The following STXBP5L variants were observed in gnomAD, a reference collection of about 807,000 sequenced individuals.
STXBP5L encodes the protein syntaxin-binding protein 5-like.
Under a neutral mutation model 144.5 loss-of-function variants are expected in STXBP5L, and 65 were observed. That is an observed-to-expected ratio of 0.45 (90% CI 0.37 to 0.55). STXBP5L has a LOEUF of 0.55. STXBP5L is among the 20% of genes least tolerant of loss of function. The pLI is 0.00. For synonymous variants in STXBP5L, 505 were observed against 469.6 expected (o/e 1.08, Z -0.97); for missense variants, 1,298 against 1,405.5 (o/e 0.92, Z 1.22).
At chr3:121,207,985 A>G (rs898133537) in intron 10 of STXBP5L, among the ~76,000 whole-genome samples, 1 of 152,200 alleles carries the variant, frequency 6.6e-6, no homozygotes, top group Non-Finnish European at 1.5e-5. Context: ...CTTACTGGGT[A>G]TATACCCAAA....
chr3:121,378,681 A>C, intron 20 of STXBP5L, 35 bp from the exon 21 acceptor site: 1 of 1,601,656 alleles, frequency 6.2e-7, no homozygotes, highest in African/African-American at 1.3e-5. Context: ...AGAGTTAATC[A>C]TTATATGTAT....
At chr3:121,040,980 T>C (rs1947108940) in intron 3 of STXBP5L, among the ~76,000 whole-genome samples, 2 of 152,090 alleles carry the variant, frequency 1.3e-5, no homozygotes, top group South Asian at 4.1e-4. Context: ...AGCAAACAAA[T>C]GATAAGTAAA....
intron 20 of STXBP5L, among the ~76,000 whole-genome samples, chr3:121,320,479 G>C (rs1459906369): frequency 6.6e-6 from 1 of 151,836 alleles, no homozygotes; most frequent in East Asian, 1.9e-4. Context: ...GGAAAAAATT[G>C]GCTAGGGCCT....
intron 11 of STXBP5L, among the ~76,000 whole-genome samples, chr3:121,229,229 A>G (rs1457950750): frequency 2.0e-5 from 3 of 152,152 alleles, no homozygotes; most frequent in Admixed American, 6.6e-5. Flanking sequence ...CTTTACATCT[A>G]TAACTCTCCT....
At chr3:121,164,899 C>A (rs1464843676) in intron 9 of STXBP5L, among the ~76,000 whole-genome samples, 1 of 152,008 alleles carries the variant, frequency 6.6e-6, no homozygotes, top group Admixed American at 6.6e-5. Context: ...GGGGAGAAAA[C>A]AGGGAGATGT....
chr3:120,947,009 A>G (rs1454554403), intron 2 of STXBP5L, among the ~76,000 whole-genome samples: 1 of 151,670 alleles, frequency 6.6e-6, no homozygotes, highest in Non-Finnish European at 1.5e-5. Flanking sequence ...TCTATTACAT[A>G]TTTATTTGCT....
intron 3 of STXBP5L, among the ~76,000 whole-genome samples, chr3:120,956,225 G>T (rs957412912): frequency 2.6e-5 from 4 of 151,786 alleles, no homozygotes; most frequent in South Asian, 2.1e-4. Context: ...ACCATTCAGC[G>T]TTATTAAATA....
chr3:121,224,587 A>G (rs182110819), intron 11 of STXBP5L, among the ~76,000 whole-genome samples: 1 of 152,280 alleles, frequency 6.6e-6, no homozygotes, highest in African/African-American at 2.4e-5. Flanking sequence ...ACCTTAATTA[A>G]GTGCTGAGTT....
At chr3:121,325,256 C>T (rs533704208) in intron 20 of STXBP5L, among the ~76,000 whole-genome samples, 9 of 152,134 alleles carry the variant, frequency 5.9e-5, no homozygotes, top group African/African-American at 1.9e-4. Context: ...GTTCTAGTCC[C>T]CAAATAAAGT....
chr3:121,396,244 G>C (rs1274240539), intron 22 of STXBP5L, among the ~76,000 whole-genome samples: 1 of 152,170 alleles, frequency 6.6e-6, no homozygotes, highest in Non-Finnish European at 1.5e-5. Flanking sequence ...CCCCCTTTCT[G>C]CTTTTGCAAC....
At chr3:121,154,293 CT>C (rs1553720206) in intron 8 of STXBP5L, among the ~76,000 whole-genome samples, 1 of 151,788 alleles carries the variant, frequency 6.6e-6, no homozygotes, top group Non-Finnish European at 1.5e-5. Context: ...CACTACCAAA[CT>C]TTTCAGCCTC....
At chr3:120,966,719 C>A (rs991935690) in intron 3 of STXBP5L, among the ~76,000 whole-genome samples, 2 of 152,148 alleles carry the variant, frequency 1.3e-5, no homozygotes, top group African/African-American at 2.4e-5. Context: ...TTGGCCCCTA[C>A]TGGGAGGTGT....
At chr3:120,986,368 G>A (rs1942286550) in intron 3 of STXBP5L, among the ~76,000 whole-genome samples, 1 of 151,878 alleles carries the variant, frequency 6.6e-6, no homozygotes, top group South Asian at 2.1e-4. Flanking sequence ...TTGGTCGAGT[G>A]TTCTGTATAT....
chr3:121,191,717 G>C (rs1178888417), intron 9 of STXBP5L, among the ~76,000 whole-genome samples: 1 of 152,168 alleles, frequency 6.6e-6, no homozygotes, highest in Non-Finnish European at 1.5e-5. Flanking sequence ...ATCAGTGATA[G>C]ACTGGATTAA....
At chr3:120,985,116 CT>C (rs1002599600) in intron 3 of STXBP5L, among the ~76,000 whole-genome samples, 4 of 150,786 alleles carry the variant, frequency 2.7e-5, no homozygotes, top group African/African-American at 9.7e-5. Context: ...TGTTTTGTAG[CT>C]TTTTTTTTCT....
intron 7 of STXBP5L, among the ~76,000 whole-genome samples, chr3:121,147,912 C>T (rs947224914): frequency 4.6e-5 from 7 of 152,086 alleles, no homozygotes; most frequent in Admixed American, 2.0e-4. Flanking sequence ...ATCGGCTCTT[C>T]CTGGTTCTTG....
chr3:121,348,153 G>C (rs2045088409), intron 20 of STXBP5L, among the ~76,000 whole-genome samples: 1 of 152,068 alleles, frequency 6.6e-6, no homozygotes, highest in Admixed American at 6.5e-5. Context: ...ATTATTGAGA[G>C]TTTTTAACAT....
intron 22 of STXBP5L, among the ~76,000 whole-genome samples, chr3:121,396,141 C>T (rs150760183): frequency 2.0e-5 from 3 of 152,234 alleles, no homozygotes; most frequent in African/African-American, 7.2e-5. Flanking sequence ...TGCTGTTCAG[C>T]TGCTGATAAC....
intron 3 of STXBP5L, among the ~76,000 whole-genome samples, chr3:121,031,152 G>C (rs958527282): frequency 1.3e-5 from 2 of 152,054 alleles, no homozygotes; most frequent in African/African-American, 4.8e-5. Flanking sequence ...AACCCCATAA[G>C]GAATTTGAAT....
Sources: allele counts gnomAD v4.1 joint callset (sites outside exome capture counted in the v4.1 genomes callset), GRCh38; gene constraint gnomAD v4.1.1; transcripts MANE v1.5; gene names NCBI Gene and HGNC (gene_info 2026-07-23, HGNC 2026-07-21).